Variants in TG observed in about 807,000 individuals in gnomAD.
TG encodes the protein thyroglobulin.
Under a neutral mutation model 324.7 loss-of-function variants are expected in TG, and 270 were observed. The ratio of observed to expected loss-of-function variants is 0.83; its 90% CI spans 0.75 to 0.92. TG has a LOEUF of 0.92. TG is among the 40% of genes least tolerant of loss of function. The probability of loss-of-function intolerance (pLI) is 0.00; values close to 1 mark genes in which losing one functional copy is unlikely to be tolerated. For missense variants in TG, 3,591 were observed against 3,456.4 expected (o/e 1.04, Z -0.98); for synonymous variants, 1,401 against 1,327.0 (o/e 1.06, Z -1.21).
chr8:132,950,941 C>T (rs781169655), intron 27 of TG, among the ~76,000 whole-genome samples: 2 of 152,142 alleles, frequency 1.3e-5, no homozygotes, highest in Admixed American at 1.3e-4. Context: ...ATCATTGTCC[C>T]GGTTTGCCAG....
chr8:132,898,717 T>G lies in TG; in HGVS notation c.3218-81T>G, dbSNP rs853324. 551,885 of 1,242,082 alleles carry G rather than the reference T, an allele frequency of 0.44. 123,606 individuals are homozygous for G. The highest frequency in any genetic ancestry group is 0.53 in the South Asian group (43,148 of 81,916). The allele number at this position is 1,242,082 out of a possible 1,614,324, so 76.9% of individuals were successfully genotyped here. Reference sequence around the variant, plus strand: ...TGCATTCACCCAGGCTCATGACCCTTAAAGGTGGGGTCAGCCTGGGATCCC... The same window carrying G: ...TGCATTCACCCAGGCTCATGACCCTGAAAGGTGGGGTCAGCCTGGGATCCC... On this transcript the variant is annotated intron_variant, in intron 13 of 47. Coordinates refer to ENST00000220616, the MANE Select transcript of TG (RefSeq NM_003235.5).
At chr8:133,125,220 G>A (rs530830739) in intron 45 of TG, among the ~76,000 whole-genome samples, 153 of 152,232 alleles carry the variant, frequency 1.0e-3, no homozygotes, top group Non-Finnish European at 1.9e-3. Context: ...AGGTGGGGCT[G>A]ATGGGTATCT....
At chr8:132,998,174 G>T (rs1450407539) in intron 35 of TG, among the ~76,000 whole-genome samples, 1 of 152,154 alleles carries the variant, frequency 6.6e-6, no homozygotes, top group Non-Finnish European at 1.5e-5. Context: ...AATCAAGAGG[G>T]AAAGATAAAA....
intron 17 of TG, among the ~76,000 whole-genome samples, chr8:132,907,526 A>T (rs1253128992): frequency 1.3e-5 from 2 of 152,130 alleles, no homozygotes; most frequent in African/African-American, 2.4e-5. Flanking sequence ...GGCATCTGGG[A>T]GAGAGACCAA....
At chr8:133,014,518 G>A (rs1834846569) in intron 37 of TG, among the ~76,000 whole-genome samples, 1 of 152,204 alleles carries the variant, frequency 6.6e-6, no homozygotes, top group African/African-American at 2.4e-5. Context: ...CTGCCATCTT[G>A]TCTTCTAGAG....
At chr8:132,961,536 GGA>G (rs1827761931) in intron 28 of TG, among the ~76,000 whole-genome samples, 1 of 152,156 alleles carries the variant, frequency 6.6e-6, no homozygotes. Flanking sequence ...TGGGAAAAAT[GGA>G]GAGTCTGACA....
In TG at chr8:133,074,911, G is replaced by A. The variant is rs544730692; in HGVS notation, c.7240-20133G>A. 4.1e-6 allele frequency: 4 copies of A among 985,566 alleles called. No individual in the cohort carries two copies. The East Asian group carries it at 4.5e-4, about 112-fold the overall frequency. The allele number at this position is 985,566 out of a possible 1,614,324, so 61.1% of individuals were successfully genotyped here. On this transcript the variant is annotated intron_variant, in intron 41 of 47. Coordinates refer to ENST00000220616, the MANE Select transcript of TG (RefSeq NM_003235.5). ...GTCTGCAGAGGGATTGCTGGGTGCA[G>A]AGTCACTGCCTCTCCGTCTGTCAAC...
At chr8:133,049,730 A>G (rs772574304) in intron 41 of TG, 3 of 612,436 alleles carry the variant, frequency 4.9e-6, no homozygotes, top group South Asian at 1.9e-5. Context: ...AGCAGAAGAG[A>G]TAAGTTAGCC....
At chr8:132,963,579 G>A (rs1293362221) in intron 29 of TG, among the ~76,000 whole-genome samples, 1 of 152,084 alleles carries the variant, frequency 6.6e-6, no homozygotes, top group African/African-American at 2.4e-5. Context: ...TTATTACTGA[G>A]GTGGAGCTGA....
chr8:133,112,490 C>T (rs866494238), intron 43 of TG, among the ~76,000 whole-genome samples: 4 of 150,786 alleles, frequency 2.7e-5, no homozygotes, highest in Middle Eastern at 3.4e-3. Flanking sequence ...GTGCAGACAG[C>T]AGCAACACCA....
chr8:132,898,980 G>C, intron 14 of TG, 70 bp downstream of exon 14: 1 of 1,292,776 alleles, frequency 7.7e-7, no homozygotes, highest in Non-Finnish European at 1.1e-6. Flanking sequence ...TTTTCTTTTT[G>C]TTCAATACGT....
intron 35 of TG, among the ~76,000 whole-genome samples, chr8:132,996,381 T>C (rs1832888068): frequency 6.6e-6 from 1 of 152,232 alleles, no homozygotes; most frequent in Admixed American, 6.5e-5. Flanking sequence ...TATGGAGATA[T>C]AAATTAGCAT....
chr8:132,949,511 G>T (rs955730644), intron 27 of TG, among the ~76,000 whole-genome samples: 1 of 152,182 alleles, frequency 6.6e-6, no homozygotes, highest in Admixed American at 6.5e-5. Context: ...TGACTACAAA[G>T]AAGGATGGAA....
chr8:132,936,124 A>G (rs752724557), intron 25 of TG, among the ~76,000 whole-genome samples: 22 of 152,190 alleles, frequency 1.4e-4, no homozygotes, highest in Non-Finnish European at 2.5e-4. Flanking sequence ...TCCCATTGCA[A>G]TCTAGCAAGG....
chr8:132,967,671 A>G, intron 30 of TG, 123 bp from the exon 31 acceptor site: 1 of 1,081,648 alleles, frequency 9.2e-7, no homozygotes, highest in Non-Finnish European at 1.4e-6. Flanking sequence ...TGACAGTCTC[A>G]GGCCTCTGCC....
chr8:132,957,764 C>CACACACACACACACACACACACAG lies in TG; in HGVS notation c.5402-3224_5402-3223insACAGACACACACACACACACACAC, dbSNP rs1564002673. Among the ~76,000 whole-genome samples the CACACACACACACACACACACACAG allele has an allele frequency of 2.0e-4, 27 of 135,416 alleles. No individual in the cohort carries two copies. In the South Asian group the frequency reaches 3.7e-3, roughly 18 times the overall value. 88.8% of individuals were successfully genotyped at this position (135,416 alleles called of 152,430 possible). A position where few individuals can be genotyped will look rare whatever the true frequency, so the allele number is the denominator to read the frequency against. On this transcript the variant is annotated intron_variant, in intron 27 of 47. Transcript: ENST00000220616. The stretch of plus-strand genomic sequence containing the variant: ...AACTACACACACACACACACACACA[C>CACACACACACACACACACACACAG]ACACACACACACACACACACGTATG...
In TG at chr8:132,871,519, A is replaced by G. The variant is rs770146143; in HGVS notation, c.446A>G (p.Tyr149Cys). 1 of 1,614,026 alleles carries G rather than the reference A, an allele frequency of 6.2e-7. No individual in the cohort carries two copies. The highest frequency in any genetic ancestry group is 2.2e-5 in the East Asian group (1 of 44,872). The change falls in exon 4 of 48, where the codon TAT (tyrosine) becomes TGT (cysteine). Residue 149 changes from tyrosine (Y) to cysteine (C), a missense_variant. Physicochemically the swap from Tyr to Cys is radical, Grantham distance 194 (BLOSUM62 -2). Coordinates refer to ENST00000220616, the MANE Select transcript of TG (RefSeq NM_003235.5). ...WCVDAEGMEV[Y>C]GTRQLGRPKR... ...GTGGACGCAGAGGGGATGGAGGTGT[A>G]TGGGACCCGCCAGCTGGGGAGGCCA...
At position 132,887,425 on chromosome 8, in the gene TG, C is replaced by T. The variant is rs1352599750; in HGVS notation, c.2053C>T (p.Pro685Ser). 3 of 1,614,020 alleles carry T rather than the reference C, an allele frequency of 1.9e-6. No homozygotes were observed. The highest frequency in any genetic ancestry group is 1.3e-5 in the African/African-American group (1 of 74,906). ...SQPAGSTLFV[P>S]ACTSEGHFLP... ...GCCTGCTGGCTCCACCTTGTTTGTC[C>T]CTGCTTGTACTAGTGAGGGACATTT... The change falls in exon 9 of 48, where the codon CCT becomes TCT. Residue 685 changes from proline to serine, a missense_variant. By Grantham distance (74) the Pro-to-Ser change is moderately conservative. Coordinates refer to ENST00000220616, the MANE Select transcript of TG (RefSeq NM_003235.5).
intron 43 of TG, among the ~76,000 whole-genome samples, chr8:133,106,151 G>A (rs1326445088): frequency 6.6e-6 from 1 of 152,278 alleles, no homozygotes; most frequent in East Asian, 1.9e-4. Context: ...CCCAGCGAGG[G>A]GCTCCAGGGC....
Sources: allele counts gnomAD v4.1 joint callset (sites outside exome capture counted in the v4.1 genomes callset), GRCh38; gene constraint gnomAD v4.1.1; transcripts MANE v1.5; gene names NCBI Gene and HGNC (gene_info 2026-07-23, HGNC 2026-07-21).